PDE6B: variants seen among roughly 807,000 people sequenced by gnomAD.
PDE6B encodes the protein phosphodiesterase 6B.
PDE6B carries 106 observed loss-of-function variants against 109.0 expected under a neutral mutation model. The ratio of observed to expected loss-of-function variants is 0.97; its 90% CI spans 0.83 to 1.14. The LOEUF is 1.14. Ranked by LOEUF, PDE6B falls within the 50% of genes most tolerant of loss-of-function variation. The probability of loss-of-function intolerance (pLI) is 0.00; values close to 1 mark genes in which losing one functional copy is unlikely to be tolerated. For synonymous variants in PDE6B, 490 were observed against 471.3 expected (o/e 1.04, Z -0.51); for missense variants, 1,193 against 1,155.6 (o/e 1.03, Z -0.47).
At chr4:652,945 A>C in intron 3 of PDE6B, 1 of 154,132 alleles carries the variant, frequency 6.5e-6, no homozygotes, top group Non-Finnish European at 1.4e-5. Context: ...TCTGCAACAA[A>C]TACTTACATC....
rs1047556149 is a variant in PDE6B at position 663,254 on chromosome 4, C to T, written c.1920+67C>T. The stretch of plus-strand genomic sequence containing the variant: ...ACGCAGCGTCCGCAGGACGGCAGGG[C>T]CGTATCCTGCGGAGCAGGGTTCTGA... On this transcript the variant is annotated intron_variant, in intron 15 of 21. Coordinates refer to ENST00000496514, the MANE Select transcript of PDE6B (RefSeq NM_000283.4). The surrounding 1 kb of genome is among the most constrained non-coding windows in gnomAD (Gnocchi z 4.0). 1.6e-5 allele frequency: 15 copies of T among 909,752 alleles called. No individual in the cohort carries two copies. In the African/African-American group the frequency reaches 2.4e-4, roughly 15 times the overall value. 56.4% of individuals were successfully genotyped at this position (909,752 alleles called of 1,614,324 possible). A position where few individuals can be genotyped will look rare whatever the true frequency, so the allele number is the denominator to read the frequency against.
intron 1 of PDE6B, among the ~76,000 whole-genome samples, chr4:630,984 T>C (rs1734357389): frequency 6.6e-6 from 1 of 152,098 alleles, no homozygotes; most frequent in Non-Finnish European, 1.5e-5. Flanking sequence ...ACAGCTGAAA[T>C]GGAGCCAGGT....
intron 3 of PDE6B, among the ~76,000 whole-genome samples, chr4:641,636 CGTTTTTT>C (rs975624770): frequency 7.9e-5 from 12 of 151,566 alleles, no homozygotes; most frequent in East Asian, 3.9e-4. Flanking sequence ...CAGAGACACA[CGTTTTTT>C]GTTTTTTGTT....
At chr4:635,223 G>C (rs1228366964) in intron 2 of PDE6B, among the ~76,000 whole-genome samples, 1 of 137,764 alleles carries the variant, frequency 7.3e-6, no homozygotes, top group Non-Finnish European at 1.5e-5. Flanking sequence ...TCTGTGCTGC[G>C]TGTCCACCTC....
rs1737292555 is a variant in PDE6B, at chr4:663,007, A to C, written c.1833-93A>C. 1.3e-6 allele frequency: 1 copy of C among 795,552 alleles called. No individual in the cohort carries two copies. The highest frequency in any genetic ancestry group is 2.3e-6 in the Non-Finnish European group (1 of 439,370). The allele number at this position is 795,552 out of a possible 1,614,324, so 49.3% of individuals were successfully genotyped here. A position where few individuals can be genotyped will look rare whatever the true frequency, so the allele number is the denominator to read the frequency against. On this transcript the variant is annotated intron_variant, in intron 14 of 21. Transcript: ENST00000496514. This position sits in a 1 kb window ranked among gnomAD's most constrained non-coding sequence, Gnocchi z 4.0. Reference sequence around the variant, plus strand: ...GACAGAGGCAGACCCTGTCTCAAAAAAAAGAAAGTGGGGCCCATCTGGGGG... The same window carrying C: ...GACAGAGGCAGACCCTGTCTCAAAACAAAGAAAGTGGGGCCCATCTGGGGG...
Position 636,477 on chromosome 4 carries a change from G to A in PDE6B, c.711+508G>A, listed in dbSNP as rs1465409845. 1.3e-5 allele frequency among the ~76,000 whole-genome samples: 2 copies of A among 152,054 alleles called. No homozygotes were observed. Among genetic ancestry groups the A allele is most frequent in the African/African-American group, 2.4e-5 (1 of 41,414 alleles). The stretch of plus-strand genomic sequence containing the variant: ...ACCTTAAGGAGTCAGGTGTGCCGAG[G>A]TGCGTGGGAAAACGCAGGGGGATGA... On this transcript the variant is annotated intron_variant, in intron 3 of 21. Transcript: ENST00000496514. This position sits in a 1 kb window ranked among gnomAD's most constrained non-coding sequence, Gnocchi z 4.5.
At position 648,671 on chromosome 4, in the gene PDE6B, G is replaced by A. The variant is rs923959037; in HGVS notation, c.712-5181G>A. Reference sequence around the variant, plus strand: ...CCAACAGAGGCCGCAGGAAAGCCATGGGTTAGGCCCTACAGAGCTCAGGTT... The same window carrying A: ...CCAACAGAGGCCGCAGGAAAGCCATAGGTTAGGCCCTACAGAGCTCAGGTT... On this transcript the variant is annotated intron_variant, in intron 3 of 21. Transcript: ENST00000496514. The surrounding 1 kb of genome is among the most constrained non-coding windows in gnomAD (Gnocchi z 4.5). Among the ~76,000 whole-genome samples the A allele has an allele frequency of 3.9e-5, 6 of 152,236 alleles. No individual in the cohort carries two copies. Among genetic ancestry groups the A allele is most frequent in the African/African-American group, 1.4e-4 (6 of 41,462 alleles).
At chr4:669,771 C>G (rs546547679) in intron 21 of PDE6B, among the ~76,000 whole-genome samples, 1 of 151,890 alleles carries the variant, frequency 6.6e-6, no homozygotes, top group Non-Finnish European at 1.5e-5. Flanking sequence ...CCATGCTATC[C>G]CCCTACCCCA....
At chr4:639,864 G>C (rs765650330) in intron 3 of PDE6B, among the ~76,000 whole-genome samples, 1 of 152,018 alleles carries the variant, frequency 6.6e-6, no homozygotes, top group Non-Finnish European at 1.5e-5. Context: ...CCAGCTACTC[G>C]GGAGGCTGAG....
In PDE6B at chr4:662,367, C is replaced by G. The variant is rs1378230351; in HGVS notation, c.1722+126C>G. ...GAAGGATGGAGGAGGGCAACGCCCT[C>G]TGACACCGTGCACCGCGCACCCCAG... On this transcript the variant is annotated intron_variant, in intron 13 of 21. Transcript: ENST00000496514. This position sits in a 1 kb window ranked among gnomAD's most constrained non-coding sequence, Gnocchi z 4.3. The G allele has an allele frequency of 3.7e-6, 3 of 819,504 alleles. No homozygotes were observed. Among genetic ancestry groups the G allele is most frequent in the African/African-American group, 3.4e-5 (2 of 59,144 alleles). The allele number at this position is 819,504 out of a possible 1,614,324, so 50.8% of individuals were successfully genotyped here. A position where few individuals can be genotyped will look rare whatever the true frequency, so the allele number is the denominator to read the frequency against.
At chr4:630,945 G>T (rs908268872) in intron 1 of PDE6B, among the ~76,000 whole-genome samples, 2 of 152,224 alleles carry the variant, frequency 1.3e-5, no homozygotes, top group African/African-American at 4.8e-5. Context: ...TCGGCATAAG[G>T]ATGGTAACGG....
Position 657,444 on chromosome 4 carries a change from A to G in PDE6B, c.1351A>G (p.Met451Val), listed in dbSNP as rs375564041. Reference sequence around the variant, plus strand: ...GAACCGCAAGGACATCGCACAGGACATGGTCCTTTACCACGTGAAGTGCGA... The same window carrying G: ...GAACCGCAAGGACATCGCACAGGACGTGGTCCTTTACCACGTGAAGTGCGA... ...LENRKDIAQDMVLYHVKCDRD... is the reference protein window; with the variant it reads ...LENRKDIAQDVVLYHVKCDRD... The change falls in exon 10 of 22, where the codon ATG becomes GTG. Residue 451 changes from methionine to valine, a missense_variant. By Grantham distance (21) the Met-to-Val change is conservative (BLOSUM62 1). Transcript: ENST00000496514. 1.4e-5 allele frequency: 23 copies of G among 1,613,140 alleles called. No homozygotes were observed. The highest frequency in any genetic ancestry group is 6.7e-5 in the East Asian group (3 of 44,890).
chr4:641,721 A>G (rs1318992456), intron 3 of PDE6B, among the ~76,000 whole-genome samples: 1 of 152,184 alleles, frequency 6.6e-6, no homozygotes, highest in African/African-American at 2.4e-5. Flanking sequence ...ATCTCAGCTC[A>G]CTGCAACCTC....
At chr4:652,536 C>A in intron 3 of PDE6B, 1 of 976,026 alleles carries the variant, frequency 1.0e-6, no homozygotes, top group Non-Finnish European at 1.2e-6. Context: ...CCGTTAACCA[C>A]AGTACACAGG....
chr4:642,671 C>T (rs1230117709), intron 3 of PDE6B, among the ~76,000 whole-genome samples: 2 of 141,332 alleles, frequency 1.4e-5, no homozygotes, highest in Non-Finnish European at 3.0e-5. Context: ...TGGTGTGTGC[C>T]AGCAGTCCCA....
intron 5 of PDE6B, 173 bp from the exon 6 acceptor site, chr4:654,651 A>C: frequency 1.4e-6 from 1 of 712,404 alleles, no homozygotes; most frequent in Non-Finnish European, 2.6e-6. Flanking sequence ...CCGCATTCGT[A>C]GAATACCTGC....
chr4:646,376 C>G (rs10010598), intron 3 of PDE6B, among the ~76,000 whole-genome samples: 1 of 151,882 alleles, frequency 6.6e-6, no homozygotes, highest in Non-Finnish European at 1.5e-5. Flanking sequence ...TGTTCCCCCA[C>G]CCCCAGCTTC....
chr4:665,178 G>T lies in PDE6B; in HGVS notation c.2194-77G>T. On this transcript the variant is annotated intron_variant, in intron 18 of 21. Coordinates refer to ENST00000496514, the MANE Select transcript of PDE6B (RefSeq NM_000283.4). This position sits in a 1 kb window ranked among gnomAD's most constrained non-coding sequence, Gnocchi z 4.0. ...TCTGGGGCGGAGAAGACCGAGGCTCGGAGCCTCACGGGGCGGGCCCGGGCC... is the reference window on the plus strand; with the variant it reads ...TCTGGGGCGGAGAAGACCGAGGCTCTGAGCCTCACGGGGCGGGCCCGGGCC... 1 of 1,094,874 alleles carries T rather than the reference G, an allele frequency of 9.1e-7. No individual in the cohort carries two copies. Among genetic ancestry groups the T allele is most frequent in the South Asian group, 1.3e-5 (1 of 75,788 alleles). The allele number at this position is 1,094,874 out of a possible 1,614,324, so 67.8% of individuals were successfully genotyped here. A position where few individuals can be genotyped will look rare whatever the true frequency, so the allele number is the denominator to read the frequency against.
At chr4:658,162 G>A (rs913357114) in intron 10 of PDE6B, among the ~76,000 whole-genome samples, 1 of 139,266 alleles carries the variant, frequency 7.2e-6, no homozygotes, top group Non-Finnish European at 1.5e-5. Flanking sequence ...GTCACCAGGG[G>A]TCATGGCTGT....
Sources: allele counts gnomAD v4.1 joint callset (sites outside exome capture counted in the v4.1 genomes callset), GRCh38; gene constraint gnomAD v4.1.1; non-coding constraint Gnocchi (gnomAD v3.1); transcripts MANE v1.5; gene names NCBI Gene and HGNC (gene_info 2026-07-23, HGNC 2026-07-21).